The following AGBL4 variants were observed in gnomAD, a reference collection of about 807,000 sequenced individuals.
The protein encoded by AGBL4 is AGBL carboxypeptidase 4, also known as cytosolic carboxypeptidase 6.
Under a neutral mutation model 66.4 loss-of-function variants are expected in AGBL4, and 58 were observed. The observed-to-expected ratio is 0.87, with a 90% CI of 0.71 to 1.09. AGBL4 has a LOEUF of 1.09. Among genes scored for constraint, AGBL4 ranks in the 50% least tolerant of loss-of-function variants. AGBL4 has a pLI of 0.00. For synonymous variants in AGBL4, 234 were observed against 222.9 expected, an observed-to-expected ratio of 1.05 and a Z score of -0.44; for missense variants, 579 against 631.0, an observed-to-expected ratio of 0.92 and a Z score of 0.88.
intron 3 of AGBL4, among the ~76,000 whole-genome samples, chr1:49,537,022 T>G (rs541301675): frequency 2.0e-4 from 30 of 148,696 alleles, no homozygotes; most frequent in Non-Finnish European, 2.7e-4. Context: ...AAAAAAAAAG[T>G]TGACAGAAAC....
chr1:48,857,849 T>C (rs1157972000), intron 6 of AGBL4, among the ~76,000 whole-genome samples: 1 of 152,194 alleles, frequency 6.6e-6, no homozygotes, highest in East Asian at 1.9e-4. Flanking sequence ...ATTAAACTTT[T>C]TGCTTCAAAG....
chr1:49,837,370 C>T (rs745919186), intron 2 of AGBL4, among the ~76,000 whole-genome samples: 1 of 152,204 alleles, frequency 6.6e-6, no homozygotes, highest in Admixed American at 6.5e-5. Context: ...GGGACCAGAA[C>T]CCTCTTTCCA....
chr1:48,763,057 T>A (rs1644356283), intron 6 of AGBL4, among the ~76,000 whole-genome samples: 1 of 152,000 alleles, frequency 6.6e-6, no homozygotes, highest in African/African-American at 2.4e-5. Flanking sequence ...GTGTTCTGAA[T>A]CATTTTCTTC....
chr1:48,655,102 G>A (rs1350630966), intron 7 of AGBL4, among the ~76,000 whole-genome samples: 1 of 152,196 alleles, frequency 6.6e-6, no homozygotes, highest in Non-Finnish European at 1.5e-5. Context: ...TCACAGATGA[G>A]CAGATTAATT....
intron 4 of AGBL4, among the ~76,000 whole-genome samples, chr1:49,063,299 T>C (rs939676274): frequency 6.6e-6 from 1 of 152,204 alleles, no homozygotes; most frequent in Non-Finnish European, 1.5e-5. Context: ...AAATGCTTTC[T>C]TTATAAGAAA....
chr1:48,761,295 A>T, intron 6 of AGBL4: 1 of 1,518,076 alleles, frequency 6.6e-7, no homozygotes, highest in South Asian at 1.3e-5. Context: ...GATATCTGAA[A>T]ATGCTCCAGC....
chr1:49,302,652 T>TATTTTATTTC (rs1644774412), intron 3 of AGBL4, among the ~76,000 whole-genome samples: 1 of 146,118 alleles, frequency 6.8e-6, no homozygotes, highest in African/African-American at 2.5e-5. Flanking sequence ...TATTTTATTT[T>TATTTTATTTC]ATTTTATTTT....
chr1:49,600,821 T>A (rs1271803123), intron 3 of AGBL4, among the ~76,000 whole-genome samples: 2 of 152,220 alleles, frequency 1.3e-5, no homozygotes, highest in African/African-American at 4.8e-5. Flanking sequence ...ACAAAATCTC[T>A]CAGCATTTAC....
At chr1:48,598,496 G>C (rs944893598) in intron 9 of AGBL4, among the ~76,000 whole-genome samples, 2 of 151,860 alleles carry the variant, frequency 1.3e-5, no homozygotes, top group Non-Finnish European at 2.9e-5. Flanking sequence ...ATTTAATGAG[G>C]CCAGGCATGG....
At chr1:48,654,976 A>G (rs1570147205) in intron 7 of AGBL4, among the ~76,000 whole-genome samples, 1 of 152,108 alleles carries the variant, frequency 6.6e-6, no homozygotes. Context: ...CCAGTAATTG[A>G]CCCCAGCTCC....
At chr1:49,153,127 G>T (rs1371317101) in intron 4 of AGBL4, among the ~76,000 whole-genome samples, 1 of 152,096 alleles carries the variant, frequency 6.6e-6, no homozygotes, top group Non-Finnish European at 1.5e-5. Flanking sequence ...CCACTACAAG[G>T]TTTAGGTTTA....
intron 4 of AGBL4, among the ~76,000 whole-genome samples, chr1:49,216,078 C>A (rs1396377663): frequency 6.6e-6 from 1 of 152,034 alleles, no homozygotes; most frequent in Non-Finnish European, 1.5e-5. Flanking sequence ...GATATCTGAT[C>A]ATATCTAACT....
At chr1:49,827,302 G>T (rs1456280285) in intron 2 of AGBL4, among the ~76,000 whole-genome samples, 1 of 152,014 alleles carries the variant, frequency 6.6e-6, no homozygotes, top group Non-Finnish European at 1.5e-5. Context: ...CATTAAGATG[G>T]AGTAAAAGGA....
At chr1:48,743,272 A>T (rs1334070272) in intron 6 of AGBL4, among the ~76,000 whole-genome samples, 2 of 152,184 alleles carry the variant, frequency 1.3e-5, no homozygotes, top group African/African-American at 4.8e-5. Flanking sequence ...CATTTGAATC[A>T]AGAAATTAAA....
chr1:49,418,674 CCT>C (rs1261220931), intron 3 of AGBL4, among the ~76,000 whole-genome samples: 2 of 152,128 alleles, frequency 1.3e-5, no homozygotes, highest in Non-Finnish European at 2.9e-5. Context: ...TGTGATCCCC[CCT>C]GTGCTTAAAA....
At chr1:49,374,493 C>T (rs1160175641) in intron 3 of AGBL4, 1 of 152,144 alleles carries the variant, frequency 6.6e-6, no homozygotes, top group Non-Finnish European at 1.5e-5. Flanking sequence ...CTCACTGGTC[C>T]CTTTCCAAAG....
chr1:49,576,071 G>T (rs1286934030), intron 3 of AGBL4, among the ~76,000 whole-genome samples: 1 of 152,128 alleles, frequency 6.6e-6, no homozygotes, highest in Admixed American at 6.5e-5. Context: ...AATTTCTAGG[G>T]TACAGTAGTC....
Position 49,913,178 on chromosome 1 carries a change from T to C in AGBL4, c.35-61660A>G, listed in dbSNP as rs186716436. On this transcript the variant is annotated intron_variant, in intron 1 of 13. Transcript: ENST00000371839. ...TCTAAAGTCTCATAGAAATCAAATA[T>C]GGGTGAGACTCAAGGCATGATTCTT... Among the ~76,000 whole-genome samples, 32 of 152,266 alleles carry C rather than the reference T, an allele frequency of 2.1e-4. No individual in the cohort carries two copies. In the East Asian group the frequency reaches 3.5e-3, roughly 17 times the overall value.
intron 5 of AGBL4, among the ~76,000 whole-genome samples, chr1:48,980,718 AAT>A (rs544711494): frequency 3.2e-5 from 3 of 92,332 alleles, no homozygotes; most frequent in Admixed American, 1.2e-4. Context: ...GTAAAGAAGA[AAT>A]ATATATATAT....
Sources: allele counts gnomAD v4.1 joint callset (sites outside exome capture counted in the v4.1 genomes callset), GRCh38; gene constraint gnomAD v4.1.1; transcripts MANE v1.5; gene names NCBI Gene and HGNC (gene_info 2026-07-23, HGNC 2026-07-21).